CDK5RAP2: variants seen among roughly 807,000 people sequenced by gnomAD.
CDK5RAP2 encodes CDK5 regulatory subunit associated protein 2.
CDK5RAP2 carries 147 observed loss-of-function variants against 232.9 expected under a neutral mutation model. The ratio of observed to expected loss-of-function variants is 0.63; its 90% CI spans 0.55 to 0.72. The LOEUF is 0.72. Ranked by LOEUF, CDK5RAP2 falls within the 30% of genes least tolerant of loss-of-function variation. The pLI, the probability that CDK5RAP2 is intolerant of heterozygous loss-of-function variation, is 0.00. For synonymous variants in CDK5RAP2, 833 were observed against 833.7 expected (o/e 1.00, Z 0.01); for missense variants, 2,195 against 2,231.5 (o/e 0.98, Z 0.33).
At chr9:120,452,536 C>T (rs2036534608) in intron 21 of CDK5RAP2, among the ~76,000 whole-genome samples, 1 of 151,836 alleles carries the variant, frequency 6.6e-6, no homozygotes. Flanking sequence ...AGAAACACGA[C>T]CTATTTCCTT....
intron 22 of CDK5RAP2, among the ~76,000 whole-genome samples, chr9:120,445,560 C>T (rs966954964): frequency 2.0e-5 from 3 of 152,194 alleles, no homozygotes; most frequent in Non-Finnish European, 4.4e-5. Flanking sequence ...ACACCAATGA[C>T]TTCCACATTG....
At chr9:120,468,225 T>A (rs1052609591) in intron 17 of CDK5RAP2, among the ~76,000 whole-genome samples, 1 of 152,196 alleles carries the variant, frequency 6.6e-6, no homozygotes, top group Admixed American at 6.5e-5. Context: ...GGCAAAAAGA[T>A]CCTGGGCAAA....
At chr9:120,493,991 C>T (rs1379889318) in intron 12 of CDK5RAP2, among the ~76,000 whole-genome samples, 2 of 151,480 alleles carry the variant, frequency 1.3e-5, no homozygotes, top group East Asian at 3.9e-4. Flanking sequence ...ACTAAGGAGG[C>T]TGAGGCAGGA....
In CDK5RAP2 at chr9:120,439,496, G is replaced by A. The variant is rs778309278; in HGVS notation, c.3625C>T (p.Gln1209Ter). 1.9e-6 allele frequency: 3 copies of A among 1,614,050 alleles called. No individual in the cohort carries two copies. The African/African-American group carries it at 4.0e-5, about 22-fold the overall frequency. ...TGCTCCTTCTGCAGCTTGTATTCCT[G>A]TTCCTCCAGCTGCTGTTTGAGGTTC... The part of the protein sequence containing the change: ...LENLKQQLEE[Q>*]EYKLQKEQNL... The change falls in exon 24 of 38, where the codon CAG (glutamine) becomes TAG (stop). Residue 1209 changes from glutamine to a stop codon, truncating the protein, a stop_gained. Coordinates refer to ENST00000349780, the MANE Select transcript of CDK5RAP2 (RefSeq NM_018249.6). LOFTEE classifies it high-confidence loss of function.
intron 25 of CDK5RAP2, among the ~76,000 whole-genome samples, chr9:120,433,809 C>T (rs1285843320): frequency 6.6e-6 from 1 of 152,198 alleles, no homozygotes; most frequent in Non-Finnish European, 1.5e-5. Flanking sequence ...CACAAATGGT[C>T]ACAGATGAGT....
intron 3 of CDK5RAP2, among the ~76,000 whole-genome samples, chr9:120,558,577 CCACAT>C (rs2042335154): frequency 6.6e-6 from 1 of 152,078 alleles, no homozygotes; most frequent in Admixed American, 6.6e-5. Context: ...ACCTCTCCAA[CCACAT>C]CAGGTATCAT....
chr9:120,489,034 A>G (rs976685482), intron 13 of CDK5RAP2, among the ~76,000 whole-genome samples: 3 of 152,228 alleles, frequency 2.0e-5, no homozygotes, highest in Non-Finnish European at 4.4e-5. Context: ...GCAAGAGTAC[A>G]TAGGAGGCAA....
At chr9:120,572,647 A>G (rs1374797568) in intron 1 of CDK5RAP2, among the ~76,000 whole-genome samples, 1 of 152,202 alleles carries the variant, frequency 6.6e-6, no homozygotes, top group Non-Finnish European at 1.5e-5. Flanking sequence ...AAACTAACCC[A>G]TAATAGGAGG....
chr9:120,556,039 G>A (rs1281311845), intron 3 of CDK5RAP2, among the ~76,000 whole-genome samples: 2 of 152,120 alleles, frequency 1.3e-5, no homozygotes, highest in Admixed American at 6.6e-5. Context: ...GGTGAAGAGA[G>A]GATTTGACCA....
Position 120,439,987 on chromosome 9 carries a change from C to G in CDK5RAP2, c.3149-15G>C. On this transcript the variant is annotated splice_polypyrimidine_tract_variant and intron_variant, in intron 23 of 37. Transcript: ENST00000349780. ...AATCTCAGAGTCTGAAAATCAAATA[C>G]ACTTATGTCAGTATCTCTTTTACTA... 1 of 1,606,776 alleles carries G rather than the reference C, an allele frequency of 6.2e-7. No homozygotes were observed. Among genetic ancestry groups the G allele is most frequent in the Non-Finnish European group, 8.5e-7 (1 of 1,175,352 alleles).
intron 31 of CDK5RAP2, chr9:120,408,010 C>T (rs948232747): frequency 5.5e-5 from 19 of 343,464 alleles, no homozygotes; most frequent in Admixed American, 3.6e-4. Flanking sequence ...CAATTTTCAA[C>T]ACAATTCTCC....
At chr9:120,557,811 C>A (rs1374637825) in intron 3 of CDK5RAP2, among the ~76,000 whole-genome samples, 1 of 146,302 alleles carries the variant, frequency 6.8e-6, no homozygotes, top group African/African-American at 2.5e-5. Flanking sequence ...GTCACCCAGG[C>A]TGGAGTGCAG....
In CDK5RAP2 at chr9:120,577,153, G is replaced by A. The variant is rs954115710; in HGVS notation, c.59+2767C>T. Among the ~76,000 whole-genome samples, 3 of 152,026 alleles carry A rather than the reference G, an allele frequency of 2.0e-5. 1 individual carries two copies. Among genetic ancestry groups the A allele is most frequent in the Non-Finnish European group, 4.4e-5 (3 of 68,004 alleles). ...GAGGCAGGCACAACACTTGAGGCCA[G>A]GAGTTCAAGACCAGCCTGGTCAACC... On this transcript the variant is annotated intron_variant, in intron 1 of 37. Transcript: ENST00000349780.
chr9:120,477,317 T>A (rs374825319), intron 15 of CDK5RAP2, 33 bp downstream of exon 15: 10 of 1,449,518 alleles, frequency 6.9e-6, no homozygotes, highest in Non-Finnish European at 7.8e-6. Flanking sequence ...GTGTTCGCAT[T>A]CACATGTGTG....
intron 35 of CDK5RAP2, among the ~76,000 whole-genome samples, chr9:120,397,703 T>A (rs975705053): frequency 6.6e-6 from 1 of 152,104 alleles, no homozygotes; most frequent in Non-Finnish European, 1.5e-5. Flanking sequence ...TTCTAAACAA[T>A]TGGTTCAATT....
chr9:120,504,889 C>G (rs762648150), intron 12 of CDK5RAP2, among the ~76,000 whole-genome samples: 2 of 152,148 alleles, frequency 1.3e-5, no homozygotes, highest in Non-Finnish European at 2.9e-5. Context: ...AGGCCCAATT[C>G]AAGTGCCATC....
At chr9:120,530,904 G>T (rs1588583401) in intron 7 of CDK5RAP2, among the ~76,000 whole-genome samples, 1 of 142,338 alleles carries the variant, frequency 7.0e-6, no homozygotes, top group Admixed American at 7.2e-5. Flanking sequence ...TATACCTAAT[G>T]TAAATGACAA....
At position 120,453,843 on chromosome 9, in the gene CDK5RAP2, C is replaced by A; in HGVS notation, c.2406G>T (p.Leu802=). 6.2e-7 allele frequency: 1 copy of A among 1,614,212 alleles called. No homozygotes were observed. The highest frequency in any genetic ancestry group is 8.5e-7 in the Non-Finnish European group (1 of 1,180,028). ...CTGTCAAGAATAGTTGTCCCAGAAG[C>A]AGTTCCCGTACCACTTTCAGAAGGT... is the stretch of plus-strand genomic sequence containing the variant. The part of the protein sequence containing the change: ...RPDLLKVVRE[L]LLGQLFLTEQ... Residue 802 remains leucine, a synonymous_variant, in exon 21 of 38, where the codon CTG becomes CTT. Coordinates refer to ENST00000349780, the MANE Select transcript of CDK5RAP2 (RefSeq NM_018249.6).
rs574351528 is a variant in CDK5RAP2, at chr9:120,420,848, G to A, written c.4005-888C>T. The stretch of plus-strand genomic sequence containing the variant: ...TGCTGGCTTGCAGAAGTGCAGCATG[G>A]GCCAAGGGCACCCACTTAATTGACT... On this transcript the variant is annotated intron_variant, in intron 26 of 37. Coordinates refer to ENST00000349780, the MANE Select transcript of CDK5RAP2 (RefSeq NM_018249.6). Among the ~76,000 whole-genome samples, 212 of 152,248 alleles carry A rather than the reference G, an allele frequency of 1.4e-3. 1 individual carries two copies. The highest frequency in any genetic ancestry group is 5.0e-3 in the African/African-American group (207 of 41,532).
Sources: gnomAD v4.1 joint callset for allele counts (sites outside exome capture counted in the v4.1 genomes callset) on GRCh38, gnomAD v4.1.1 for gene constraint, MANE v1.5 for transcripts, NCBI Gene and HGNC (gene_info 2026-07-23, HGNC 2026-07-21) for gene names.